The following MESP1 variants were observed in gnomAD, a reference collection of about 807,000 sequenced individuals.
The protein encoded by MESP1 is mesoderm posterior protein 1.
Under a neutral mutation model 15.2 loss-of-function variants are expected in MESP1, and 22 were observed. The ratio of observed to expected loss-of-function variants is 1.45; its 90% CI spans 1.04 to 2.07. MESP1 has a LOEUF of 2.07. Among genes scored for constraint, MESP1 ranks in the 30% most tolerant of loss-of-function variants. The pLI is 0.00. For missense variants in MESP1, 484 were observed against 411.9 expected (o/e 1.17, Z -1.51); for synonymous variants, 216 against 192.6 (o/e 1.12, Z -1.01).
Position 89,750,088 on chromosome 15 carries a change from A to G in MESP1, c.*56T>C. The G allele has an allele frequency of 2.0e-6, 3 of 1,514,980 alleles. No homozygotes were observed. The East Asian group carries it at 6.8e-5, about 34-fold the overall frequency. 93.8% of individuals were successfully genotyped at this position (1,514,980 alleles called of 1,614,324 possible). A position where few individuals can be genotyped will look rare whatever the true frequency, so the allele number is the denominator to read the frequency against. ...GCAGTCTGCCAAGGAACCACTTCGA[A>G]GGTGCTGAGGCCAAAAAGCCTCGGT... On this transcript the variant is annotated 3_prime_UTR_variant, in exon 2 of 2. Coordinates refer to ENST00000300057, the MANE Select transcript of MESP1 (RefSeq NM_018670.4).
At chr15:89,738,010 C>A in the MESP1 span, 1 of 1,572,926 alleles carries the variant, frequency 6.4e-7, no homozygotes, top group South Asian at 1.2e-5. Flanking sequence ...GCGATTGTTA[C>A]ACAGAACATG....
the MESP1 span, among the ~76,000 whole-genome samples, chr15:89,740,140 C>G: frequency 6.6e-6 from 1 of 152,198 alleles, no homozygotes; most frequent in Non-Finnish European, 1.5e-5. Flanking sequence ...AAGTACCAGG[C>G]ACAGAGTGGT....
Position 89,751,031 on chromosome 15 carries a change from G to T in MESP1, c.201C>A (p.Pro67=). 1.5e-6 allele frequency: 2 copies of T among 1,347,490 alleles called. No homozygotes were observed. Among genetic ancestry groups the T allele is most frequent in the Admixed American group, 4.1e-5 (1 of 24,542 alleles). The allele number at this position is 1,347,490 out of a possible 1,614,324, so 83.5% of individuals were successfully genotyped here. A position where few individuals can be genotyped will look rare whatever the true frequency, so the allele number is the denominator to read the frequency against. The change falls in exon 1 of 2, where the codon CCC becomes CCA. Residue 67 remains proline (P), a synonymous_variant. Coordinates refer to ENST00000300057, the MANE Select transcript of MESP1 (RefSeq NM_018670.4). ...TGCGCGCGCCGCGCCTACCTACGGA[G>T]GGGGCGCGGGGGTCCCGGAGGGTGC... ...RPGTLRDPRA[P]SVGRRGARSS...
At chr15:89,733,237 G>A in the MESP1 span, 8 of 1,605,514 alleles carry the variant, frequency 5.0e-6, no homozygotes, top group Non-Finnish European at 6.8e-6. Flanking sequence ...GCTTGAGGGT[G>A]GGACGGGGTA....
At chr15:89,740,753 C>T in the MESP1 span, among the ~76,000 whole-genome samples, 2 of 152,256 alleles carry the variant, frequency 1.3e-5, no homozygotes, top group East Asian at 1.9e-4. Context: ...CTGCCTGCCT[C>T]GGCCTGCCAA....
chr15:89,746,910 C>A (rs1173986789), downstream of MESP1, among the ~76,000 whole-genome samples: 7 of 140,680 alleles, frequency 5.0e-5, no homozygotes, highest in Admixed American at 2.9e-4. Context: ...CACACAGCCC[C>A]GCCTCCACAC....
At chr15:89,735,558 G>A in the MESP1 span, 3 of 1,613,518 alleles carry the variant, frequency 1.9e-6, no homozygotes, top group Non-Finnish European at 1.7e-6. Context: ...GGCATGGTAG[G>A]TTCCCCATGC....
the MESP1 span, among the ~76,000 whole-genome samples, chr15:89,735,789 T>C: frequency 6.6e-5 from 10 of 152,130 alleles, no homozygotes; most frequent in Admixed American, 1.3e-4. Flanking sequence ...AAGGCTGTGA[T>C]AGGGATTTTT....
downstream of MESP1, among the ~76,000 whole-genome samples, chr15:89,746,786 TCC>T (rs1967968677): frequency 8.9e-5 from 2 of 22,568 alleles, no homozygotes; most frequent in African/African-American, 2.2e-4. Context: ...CAGCCCTACC[TCC>T]CCACACACAC....
downstream of MESP1, chr15:89,749,191 T>C (rs1027803905): frequency 6.6e-6 from 1 of 152,148 alleles, no homozygotes; most frequent in Non-Finnish European, 1.5e-5. Flanking sequence ...TGCAACCCCA[T>C]GGGCCCCTCA....
the MESP1 span, among the ~76,000 whole-genome samples, chr15:89,736,814 C>T: frequency 0.03 from 4,055 of 134,262 alleles, 96 homozygotes; most frequent in Middle Eastern, 0.086. Flanking sequence ...TTTTTTGAAA[C>T]GGAGTCTCGC....
chr15:89,738,136 A>C, the MESP1 span: 2 of 1,614,222 alleles, frequency 1.2e-6, no homozygotes, highest in Non-Finnish European at 1.7e-6. Context: ...CCTGGAAAAT[A>C]TCTCAAAAAA....
the MESP1 span, among the ~76,000 whole-genome samples, chr15:89,739,760 G>A: frequency 8.5e-5 from 13 of 152,218 alleles, no homozygotes; most frequent in African/African-American, 2.6e-4. Flanking sequence ...TGTATGTAAC[G>A]TGACCTCTGA....
At chr15:89,745,720 C>T (rs530145082), downstream of MESP1, among the ~76,000 whole-genome samples, 6 of 152,106 alleles carry the variant, frequency 3.9e-5, no homozygotes, top group African/African-American at 1.2e-4. This position sits in a 1 kb window ranked among gnomAD's most constrained non-coding sequence, Gnocchi z 4.8. Context: ...GCCAAGAACA[C>T]GCCACTGCCC....
chr15:89,734,694 C>A, the MESP1 span, among the ~76,000 whole-genome samples: 1 of 152,066 alleles, frequency 6.6e-6, no homozygotes, highest in East Asian at 1.9e-4. Context: ...TAAGAATTAA[C>A]CACATTTAGG....
the MESP1 span, chr15:89,735,495 T>C: frequency 1.2e-6 from 2 of 1,614,052 alleles, no homozygotes; most frequent in African/African-American, 2.7e-5. Context: ...TATAGGCCTG[T>C]AAAGCACCTG....
chr15:89,739,619 T>C, the MESP1 span, among the ~76,000 whole-genome samples: 2 of 152,200 alleles, frequency 1.3e-5, no homozygotes, highest in Non-Finnish European at 2.9e-5. Flanking sequence ...ATGATTCCTT[T>C]TGGGATCTGA....
At chr15:89,734,823 A>C in the MESP1 span, among the ~76,000 whole-genome samples, 2 of 151,780 alleles carry the variant, frequency 1.3e-5, no homozygotes, top group Non-Finnish European at 2.9e-5. Flanking sequence ...CTTCTCTGTG[A>C]AAAGAACAAA....
At chr15:89,734,480 A>G in the MESP1 span, among the ~76,000 whole-genome samples, 10 of 152,192 alleles carry the variant, frequency 6.6e-5, no homozygotes, top group Non-Finnish European at 1.5e-4. Context: ...GAGGGCAACC[A>G]TAGCACACAA....
Sources: gnomAD v4.1 joint callset for allele counts (sites outside exome capture counted in the v4.1 genomes callset) on GRCh38, gnomAD v4.1.1 for gene constraint, Gnocchi (gnomAD v3.1) non-coding constraint, MANE v1.5 for transcripts, NCBI Gene and HGNC (gene_info 2026-07-23, HGNC 2026-07-21) for gene names.